Variants in APBB2 observed in about 807,000 individuals in gnomAD.
The protein encoded by APBB2 is amyloid beta precursor protein binding family B member 2, also known as Fe65-like 1.
Under a neutral mutation model 82.5 loss-of-function variants are expected in APBB2, and 38 were observed. That is an observed-to-expected ratio of 0.46 (90% CI 0.36 to 0.60). The LOEUF is 0.60. APBB2 is among the 20% of genes least tolerant of loss of function. The probability of loss-of-function intolerance (pLI) is 0.00; values close to 1 mark genes in which losing one functional copy is unlikely to be tolerated. For synonymous variants in APBB2, 341 were observed against 368.2 expected, an observed-to-expected ratio of 0.93 and a Z score of 0.85; for missense variants, 772 against 972.3, an observed-to-expected ratio of 0.79 and a Z score of 2.74.
chr4:40,844,472 C>T (rs1388557980), intron 12 of APBB2, among the ~76,000 whole-genome samples: 1 of 152,230 alleles, frequency 6.6e-6, no homozygotes, highest in Admixed American at 6.5e-5. Context: ...TTCATCTCTT[C>T]GGCTGGGTTG....
At chr4:40,924,819 C>T (rs1295488569) in intron 10 of APBB2, among the ~76,000 whole-genome samples, 1 of 152,238 alleles carries the variant, frequency 6.6e-6, no homozygotes, top group Non-Finnish European at 1.5e-5. Context: ...CAGTTTGCTA[C>T]ATAGCACGCA....
At chr4:40,855,111 C>T (rs1760759446) in intron 12 of APBB2, among the ~76,000 whole-genome samples, 1 of 152,184 alleles carries the variant, frequency 6.6e-6, no homozygotes, top group South Asian at 2.1e-4. Flanking sequence ...GTTGTTTGCG[C>T]CTACTGCCAC....
In APBB2 at chr4:41,035,624, GT is replaced by G. The variant is rs148038899; in HGVS notation, c.-50-2321del. On this transcript the variant is annotated intron_variant, in intron 4 of 17. Coordinates refer to ENST00000508593, the MANE Select transcript of APBB2 (RefSeq NM_004307.2). ...GAAAGTCAAAAAAAGGCATACTAGT[GT>G]GAGCATTCTGAAAAGGCTTGAACAA... Among the ~76,000 whole-genome samples the G allele has an allele frequency of 6.6e-3, 1,005 of 152,296 alleles. 16 individuals are homozygous for G. Among genetic ancestry groups the G allele is most frequent in the African/African-American group, 0.022 (895 of 41,562 alleles).
chr4:40,908,860 TA>T (rs1176595886), intron 10 of APBB2, among the ~76,000 whole-genome samples: 12 of 152,236 alleles, frequency 7.9e-5, no homozygotes, highest in Non-Finnish European at 1.8e-4. Flanking sequence ...AACTGTCCAC[TA>T]GGGGGCACCA....
chr4:41,065,825 T>A (rs1461555630), intron 3 of APBB2, among the ~76,000 whole-genome samples, 152 bp from the exon 4 acceptor site: 1 of 150,898 alleles, frequency 6.6e-6, no homozygotes, highest in Non-Finnish European at 1.5e-5. Context: ...GCATGCAAGA[T>A]GAAGTCTCCC....
chr4:40,899,378 A>G (rs1166094135), intron 10 of APBB2, among the ~76,000 whole-genome samples: 2 of 152,014 alleles, frequency 1.3e-5, no homozygotes, highest in African/African-American at 2.4e-5. Flanking sequence ...GAGTCATCCT[A>G]TCTTAGTTGG....
chr4:40,992,659 T>C (rs964358515), intron 6 of APBB2, among the ~76,000 whole-genome samples: 1 of 152,154 alleles, frequency 6.6e-6, no homozygotes, highest in Admixed American at 6.5e-5. Flanking sequence ...ATGGAAACGC[T>C]GGTAACCCCT....
intron 12 of APBB2, among the ~76,000 whole-genome samples, chr4:40,886,433 T>C (rs1454707547): frequency 2.0e-5 from 3 of 151,964 alleles, no homozygotes; most frequent in South Asian, 2.1e-4. Context: ...TGAATTGAGA[T>C]TGCACCATTG....
At position 40,931,427 on chromosome 4, in the gene APBB2, C is replaced by T. The variant is rs1784206590; in HGVS notation, c.1254+3029G>A. Among the ~76,000 whole-genome samples the T allele has an allele frequency of 2.0e-5, 3 of 152,178 alleles. No individual in the cohort carries two copies. The South Asian group carries it at 6.2e-4, about 32-fold the overall frequency. ...CTGGGACCACAGGCATGGGACACCA[C>T]ACCCAGCTATTTTTTTATTTTTTTG... is the stretch of plus-strand genomic sequence containing the variant. On this transcript the variant is annotated intron_variant, in intron 10 of 17. Transcript: ENST00000508593.
intron 12 of APBB2, among the ~76,000 whole-genome samples, chr4:40,833,956 C>T (rs1330557059): frequency 6.6e-6 from 1 of 152,170 alleles, no homozygotes; most frequent in Non-Finnish European, 1.5e-5. Context: ...TCATAGGCAG[C>T]CTTTTAGGCT....
Position 41,127,946 on chromosome 4 carries a change from G to A in APBB2, c.-261+15041C>T, listed in dbSNP as rs1314687392. Among the ~76,000 whole-genome samples, 3 of 152,132 alleles carry A rather than the reference G, an allele frequency of 2.0e-5. No individual in the cohort carries two copies. Among genetic ancestry groups the A allele is most frequent in the Admixed American group, 6.5e-5 (1 of 15,280 alleles). On this transcript the variant is annotated intron_variant, in intron 2 of 17. Coordinates refer to ENST00000508593, the MANE Select transcript of APBB2 (RefSeq NM_004307.2). The surrounding 1 kb of genome is among the most constrained non-coding windows in gnomAD (Gnocchi z 4.8). The stretch of plus-strand genomic sequence containing the variant: ...AATATAATAATTAGCCAGGTGTGGT[G>A]GCAAGCACCTGTAATCCCAGCTACC...
intron 3 of APBB2, among the ~76,000 whole-genome samples, chr4:41,076,326 G>A (rs976568848): frequency 3.9e-5 from 6 of 152,188 alleles, no homozygotes; most frequent in Non-Finnish European, 7.3e-5. Context: ...ATTTTAAGGA[G>A]TAAAACTCCA....
At chr4:40,999,124 G>A (rs867923950) in intron 6 of APBB2, among the ~76,000 whole-genome samples, 8 of 152,072 alleles carry the variant, frequency 5.3e-5, no homozygotes, top group Non-Finnish European at 8.8e-5. Flanking sequence ...ATTGAACACC[G>A]GAATGTCTCA....
chr4:41,130,360 C>T (rs761889879), intron 2 of APBB2, among the ~76,000 whole-genome samples: 55 of 152,192 alleles, frequency 3.6e-4, no homozygotes, highest in Non-Finnish European at 6.8e-4. Context: ...ACTCGACCTT[C>T]AGCGTAGATC....
intron 1 of APBB2, among the ~76,000 whole-genome samples, chr4:41,199,212 T>G (rs1776089769): frequency 6.6e-6 from 1 of 152,174 alleles, no homozygotes; most frequent in Non-Finnish European, 1.5e-5. Context: ...ACTCCAGAGA[T>G]GCACAGAGAT....
chr4:41,092,144 T>TAG (rs1193976433), intron 3 of APBB2, among the ~76,000 whole-genome samples: 2 of 152,244 alleles, frequency 1.3e-5, no homozygotes, highest in Non-Finnish European at 2.9e-5. Context: ...AAGGCACAAC[T>TAG]AGAGTCTGTC....
At chr4:40,914,782 A>ATCTG (rs1257378981) in intron 10 of APBB2, among the ~76,000 whole-genome samples, 1 of 151,536 alleles carries the variant, frequency 6.6e-6, no homozygotes, top group East Asian at 1.9e-4. Context: ...AATCAGCAGT[A>ATCTG]TCTGTCCTTC....
intron 6 of APBB2, among the ~76,000 whole-genome samples, chr4:40,958,056 A>T (rs1056393059): frequency 6.6e-6 from 1 of 152,202 alleles, no homozygotes; most frequent in African/African-American, 2.4e-5. Flanking sequence ...GCAGCTAAAA[A>T]TTACCTAGAA....
chr4:40,885,454 G>C (rs1186310466), intron 12 of APBB2, among the ~76,000 whole-genome samples: 2 of 152,178 alleles, frequency 1.3e-5, no homozygotes, highest in Admixed American at 6.5e-5. Flanking sequence ...TGGCGTGCTA[G>C]GAGATAAATT....
Sources: allele counts gnomAD v4.1 joint callset (sites outside exome capture counted in the v4.1 genomes callset), GRCh38; gene constraint gnomAD v4.1.1; non-coding constraint Gnocchi (gnomAD v3.1); transcripts MANE v1.5; gene names NCBI Gene and HGNC (gene_info 2026-07-23, HGNC 2026-07-21).